SAMD3: variants seen among roughly 807,000 people sequenced by gnomAD.
SAMD3 encodes sterile alpha motif domain-containing protein 3.
Under a neutral mutation model 58.5 loss-of-function variants are expected in SAMD3, and 63 were observed. The ratio of observed to expected loss-of-function variants is 1.08; its 90% CI spans 0.88 to 1.33. The LOEUF (loss-of-function observed/expected upper bound fraction) is 1.33. Among genes scored for constraint, SAMD3 ranks in the 40% most tolerant of loss-of-function variants. The pLI is 0.00. For synonymous variants in SAMD3, 220 were observed against 210.3 expected (o/e 1.05, Z -0.40); for missense variants, 604 against 608.4 (o/e 0.99, Z 0.08).
At chr6:130,192,662 T>C (rs1793664088) in intron 5 of SAMD3, among the ~76,000 whole-genome samples, 1 of 152,246 alleles carries the variant, frequency 6.6e-6, no homozygotes, top group Non-Finnish European at 1.5e-5. Flanking sequence ...AACAGCCATG[T>C]TGCTCACACA....
chr6:130,157,883 A>G (rs1361139592), intron 8 of SAMD3, among the ~76,000 whole-genome samples: 1 of 152,096 alleles, frequency 6.6e-6, no homozygotes, highest in Non-Finnish European at 1.5e-5. Flanking sequence ...GCAACTGAAT[A>G]CAAGATAAAT....
chr6:130,175,795 A>C (rs1257149471), intron 8 of SAMD3, 46 bp downstream of exon 8: 1 of 1,211,018 alleles, frequency 8.3e-7, no homozygotes, highest in Non-Finnish European at 1.2e-6. Flanking sequence ...CTTAATCAAT[A>C]TATCAATCTA....
rs1774842918 is a variant in SAMD3, at chr6:130,278,007, T to C, written c.-188+34971A>G. 2.0e-5 allele frequency among the ~76,000 whole-genome samples: 3 copies of C among 152,172 alleles called. 1 individual carries two copies. The highest frequency in any genetic ancestry group is 2.0e-4 in the Admixed American group (3 of 15,276). On this transcript the variant is annotated intron_variant, in intron 2 of 13. Coordinates refer to the SAMD3 transcript ENST00000368134. The stretch of plus-strand genomic sequence containing the variant: ...AGCCACAAGATTAGAAATTATAGTT[T>C]AGGGGCCATGCAGCTGGAAGCTACA...
At position 130,146,063 on chromosome 6, in the gene SAMD3, T is replaced by C. The variant is rs1562361984; in HGVS notation, c.1142A>G (p.Asn381Ser). 2 of 1,592,288 alleles carry C rather than the reference T, an allele frequency of 1.3e-6. No individual in the cohort carries two copies. The highest frequency in any genetic ancestry group is 8.5e-7 in the Non-Finnish European group (1 of 1,170,350). ...TSFSVVDNPI[N>S]IVLQEKMKHY... is the part of the protein sequence containing the mutation. The stretch of plus-strand genomic sequence containing the variant: ...TTTCATTTTTTCTTGCAATACAATA[T>C]TGATTGGATTGTCCACCACTGAAAA... Residue 381 changes from asparagine to serine, a missense_variant, in exon 10 of 12, where the codon AAT becomes AGT. Transcript: ENST00000439090.
At chr6:130,279,800 T>C (rs182746813) in intron 2 of SAMD3, among the ~76,000 whole-genome samples, 21 of 152,292 alleles carry the variant, frequency 1.4e-4, no homozygotes. Flanking sequence ...CTCTTTTCTT[T>C]ATAAATTACC....
chr6:130,183,968 G>T, intron 7 of SAMD3, 135 bp downstream of exon 7: 1 of 701,740 alleles, frequency 1.4e-6, no homozygotes, highest in South Asian at 1.6e-5. Context: ...GATAGACCTA[G>T]ATACATAGAC....
chr6:130,162,273 C>T, intron 8 of SAMD3: 1 of 701,790 alleles, frequency 1.4e-6, no homozygotes, highest in East Asian at 2.7e-5. Context: ...TTTAAGCTGA[C>T]AGCTGGAGCA....
chr6:130,230,563 CT>C (rs1796516420), intron 2 of SAMD3, among the ~76,000 whole-genome samples: 1 of 151,954 alleles, frequency 6.6e-6, no homozygotes, highest in Non-Finnish European at 1.5e-5. Context: ...CATTTTTGTA[CT>C]TTTTAGTAGA....
chr6:130,337,400 T>A (rs942867612), intron 1 of SAMD3, among the ~76,000 whole-genome samples: 1 of 152,150 alleles, frequency 6.6e-6, no homozygotes, highest in African/African-American at 2.4e-5. Flanking sequence ...AATGAGTCAA[T>A]AAACCTCTTT....
intron 2 of SAMD3, among the ~76,000 whole-genome samples, chr6:130,275,181 AT>A (rs1401712062): frequency 5.3e-5 from 8 of 151,852 alleles, no homozygotes; most frequent in Middle Eastern, 3.2e-3. Context: ...TTATTTATTT[AT>A]TTTTTCTCCT....
intron 2 of SAMD3, among the ~76,000 whole-genome samples, chr6:130,299,925 T>C (rs985706059): frequency 1.3e-5 from 2 of 152,168 alleles, no homozygotes; most frequent in African/African-American, 2.4e-5. Context: ...ATTGAAATGC[T>C]GAACAGACCA....
chr6:130,209,014 A>G (rs894468063), intron 5 of SAMD3, among the ~76,000 whole-genome samples: 6 of 152,246 alleles, frequency 3.9e-5, no homozygotes, highest in Admixed American at 1.3e-4. Context: ...TGAAATATAC[A>G]TTACGTAAAA....
chr6:130,357,530 C>T (rs984301902), intron 1 of SAMD3, among the ~76,000 whole-genome samples: 2 of 152,198 alleles, frequency 1.3e-5, no homozygotes, highest in Non-Finnish European at 2.9e-5. Flanking sequence ...TAGCCCCTGG[C>T]AAACCACCTG....
At position 130,323,818 on chromosome 6, in the gene SAMD3, A is replaced by G. The variant is rs952560745; in HGVS notation, c.-303-10725T>C. On this transcript the variant is annotated intron_variant, in intron 1 of 13. Coordinates refer to the SAMD3 transcript ENST00000368134. The stretch of plus-strand genomic sequence containing the variant: ...ACTCTGTCTCAAAAAAAAAAAAAAA[A>G]AAAAAAAGAATTTCCCATCCAATCA... 1.4e-4 allele frequency among the ~76,000 whole-genome samples: 21 copies of G among 151,546 alleles called. 1 individual carries two copies. Among genetic ancestry groups the G allele is most frequent in the African/African-American group, 5.1e-4 (21 of 41,238 alleles).
intron 2 of SAMD3, among the ~76,000 whole-genome samples, chr6:130,234,698 C>A (rs1426134536): frequency 6.6e-6 from 1 of 152,188 alleles, no homozygotes; most frequent in Non-Finnish European, 1.5e-5. Flanking sequence ...CTGGTTTCCT[C>A]CCCTACAGAT....
chr6:130,237,118 A>AT lies in SAMD3; in HGVS notation c.-187-14306dup, dbSNP rs540769629. On this transcript the variant is annotated intron_variant, in intron 2 of 13. Transcript: ENST00000368134. ...TTAATTAAAAAATAAAGCTGTGCTG[A>AT]TTTTTTTTAAAAATGTTTTTTCTAT... 3.5e-3 allele frequency among the ~76,000 whole-genome samples: 535 copies of AT among 152,154 alleles called. 1 individual carries two copies. The highest frequency in any genetic ancestry group is 0.012 in the African/African-American group (518 of 41,498).
At chr6:130,256,528 A>AT (rs1002683005) in intron 2 of SAMD3, among the ~76,000 whole-genome samples, 10 of 152,020 alleles carry the variant, frequency 6.6e-5, no homozygotes, top group Admixed American at 2.0e-4. Context: ...CTTGGAAGCA[A>AT]TTTTTTTTCT....
chr6:130,173,365 G>A (rs1006856910), intron 8 of SAMD3, among the ~76,000 whole-genome samples: 2 of 152,176 alleles, frequency 1.3e-5, no homozygotes, highest in African/African-American at 4.8e-5. Flanking sequence ...TGGGATTTTT[G>A]TGTGGGAGTC....
At chr6:130,326,520 T>C (rs1461247647) in intron 1 of SAMD3, among the ~76,000 whole-genome samples, 1 of 152,194 alleles carries the variant, frequency 6.6e-6, no homozygotes, top group Non-Finnish European at 1.5e-5. Context: ...ACTGAATTCT[T>C]GTATCACATT....
Sources: allele counts gnomAD v4.1 joint callset (sites outside exome capture counted in the v4.1 genomes callset), GRCh38; gene constraint gnomAD v4.1.1; transcripts MANE v1.5; gene names NCBI Gene and HGNC (gene_info 2026-07-23, HGNC 2026-07-21).